KLRG1: variants seen among roughly 807,000 people sequenced by gnomAD.
The protein encoded by KLRG1 is killer cell lectin like receptor G1.
Under a neutral mutation model 21.8 loss-of-function variants are expected in KLRG1, and 16 were observed. The ratio of observed to expected loss-of-function variants is 0.73; its 90% CI spans 0.50 to 1.11. The LOEUF (loss-of-function observed/expected upper bound fraction) is 1.11. Ranked by LOEUF, KLRG1 falls within the 50% of genes most tolerant of loss-of-function variation. KLRG1 has a pLI of 0.00. For synonymous variants in KLRG1, 69 were observed against 75.9 expected, an observed-to-expected ratio of 0.91 and a Z score of 0.47; for missense variants, 173 against 218.3, an observed-to-expected ratio of 0.79 and a Z score of 1.31.
At chr12:9,202,263 C>G in the KLRG1 span, 23 of 1,436,996 alleles carry the variant, frequency 1.6e-5, no homozygotes, top group Non-Finnish European at 2.3e-5. Context: ...CTACCTCACT[C>G]TGGGTGAGTA....
chr12:8,970,908 C>T (rs1946556496), intron 1 of KLRG1, among the ~76,000 whole-genome samples: 1 of 152,110 alleles, frequency 6.6e-6, no homozygotes. Context: ...TGGCAAAGTA[C>T]ATTGATTGCT....
the KLRG1 span, among the ~76,000 whole-genome samples, chr12:9,148,550 TCTC>T: frequency 6.6e-6 from 1 of 152,114 alleles, no homozygotes; most frequent in Non-Finnish European, 1.5e-5. Flanking sequence ...TAACAGCACT[TCTC>T]CTCATCTCAA....
chr12:9,121,449 G>A, the KLRG1 span, among the ~76,000 whole-genome samples: 1 of 152,138 alleles, frequency 6.6e-6, no homozygotes, highest in Non-Finnish European at 1.5e-5. The surrounding 1 kb of genome is among the most constrained non-coding windows in gnomAD (Gnocchi z 4.4). Context: ...ACTGATGCAC[G>A]AGAATCGCTT....
chr12:9,186,522 A>G, the KLRG1 span, among the ~76,000 whole-genome samples: 7 of 152,320 alleles, frequency 4.6e-5, no homozygotes, highest in East Asian at 1.9e-4. Context: ...CTCACATGCA[A>G]TGACACTGAT....
chr12:8,962,299 T>C, intron 1 of KLRG1, among the ~76,000 whole-genome samples: 1 of 151,952 alleles, frequency 6.6e-6, no homozygotes, highest in Non-Finnish European at 1.5e-5. Context: ...CTTCTAGAAA[T>C]GAGAAGTGTA....
At chr12:9,086,765 G>A in the KLRG1 span, among the ~76,000 whole-genome samples, 1 of 152,146 alleles carries the variant, frequency 6.6e-6, no homozygotes, top group Admixed American at 6.5e-5. Context: ...TATTTTCAAA[G>A]TAGCACTGGA....
chr12:9,169,289 C>A, the KLRG1 span: 1 of 861,396 alleles, frequency 1.2e-6, no homozygotes, highest in East Asian at 2.8e-5. Flanking sequence ...GAGACTTTAA[C>A]CTTTTTATTG....
chr12:9,079,148 T>C, the KLRG1 span: 4 of 942,942 alleles, frequency 4.2e-6, no homozygotes, highest in Middle Eastern at 2.5e-4. Flanking sequence ...GGTCTGATAA[T>C]ACATATCTGA....
the KLRG1 span, among the ~76,000 whole-genome samples, chr12:9,017,264 C>CAAAAA: frequency 2.4e-3 from 129 of 53,084 alleles, no homozygotes; most frequent in South Asian, 5.1e-3. Flanking sequence ...AACTCCATCT[C>CAAAAA]AAAAAAAAAA....
At chr12:9,182,247 G>T in the KLRG1 span, 1 of 794,674 alleles carries the variant, frequency 1.3e-6, no homozygotes, top group Non-Finnish European at 1.8e-6. Context: ...TAATGGCTTA[G>T]TCTCTCTATG....
chr12:9,067,577 A>C, the KLRG1 span: 17 of 570,836 alleles, frequency 3.0e-5, no homozygotes, highest in Admixed American at 4.3e-4. Flanking sequence ...TCAGACCGAC[A>C]TCACTGTATC....
At chr12:9,122,045 T>G in the KLRG1 span, among the ~76,000 whole-genome samples, 1 of 152,226 alleles carries the variant, frequency 6.6e-6, no homozygotes, top group East Asian at 1.9e-4. Flanking sequence ...TTGCTTATAA[T>G]TTATCTTTGT....
chr12:9,056,944 T>C, the KLRG1 span, among the ~76,000 whole-genome samples: 11 of 152,236 alleles, frequency 7.2e-5, no homozygotes, highest in African/African-American at 2.7e-4. Context: ...CTTAGGCTCT[T>C]CTTTATTTCT....
chr12:9,200,601 A>G, the KLRG1 span, among the ~76,000 whole-genome samples: 52 of 152,356 alleles, frequency 3.4e-4, 1 homozygote, highest in African/African-American at 1.2e-3. Context: ...AGGTTTAACA[A>G]TTCATGCAGA....
chr12:9,132,606 CA>C, the KLRG1 span, among the ~76,000 whole-genome samples: 1 of 152,168 alleles, frequency 6.6e-6, no homozygotes, highest in African/African-American at 2.4e-5. Flanking sequence ...GAAGACCATT[CA>C]GGGGGCTAAT....
At chr12:9,182,605 T>G in the KLRG1 span, among the ~76,000 whole-genome samples, 2 of 152,222 alleles carry the variant, frequency 1.3e-5, no homozygotes, top group Non-Finnish European at 2.9e-5. Context: ...TCTTGGAGTT[T>G]TCATTGCAGT....
At chr12:9,061,873 T>C in the KLRG1 span, among the ~76,000 whole-genome samples, 10 of 152,272 alleles carry the variant, frequency 6.6e-5, no homozygotes, top group East Asian at 1.3e-3. Flanking sequence ...AGGTAGCTAA[T>C]AGCTAATATT....
At chr12:9,148,972 T>C in the KLRG1 span, 1 of 1,610,286 alleles carries the variant, frequency 6.2e-7, no homozygotes, top group Non-Finnish European at 8.5e-7. Context: ...TGTATGGTCC[T>C]CAAACATTTC....
the KLRG1 span, chr12:9,181,240 G>T: frequency 1.5e-6 from 2 of 1,363,834 alleles, no homozygotes; most frequent in Admixed American, 2.5e-5. Flanking sequence ...TGACTATGTT[G>T]GTAATGTCAG....
Sources: gnomAD v4.1 joint callset for allele counts (sites outside exome capture counted in the v4.1 genomes callset) on GRCh38, gnomAD v4.1.1 for gene constraint, Gnocchi (gnomAD v3.1) non-coding constraint, MANE v1.5 for transcripts, NCBI Gene and HGNC (gene_info 2026-07-23, HGNC 2026-07-21) for gene names.